Variants in LDLRAD4 observed in about 807,000 individuals in gnomAD.
LDLRAD4 encodes the protein low density lipoprotein receptor class A domain containing 4.
A neutral mutation model predicts 17.0 loss-of-function variants in LDLRAD4; 5 were observed. The ratio of observed to expected loss-of-function variants is 0.29; its 90% CI spans 0.15 to 0.62. The LOEUF (loss-of-function observed/expected upper bound fraction) is 0.62, where lower values mean the gene tolerates loss of function less well. Ranked by LOEUF, LDLRAD4 falls within the 20% of genes least tolerant of loss-of-function variation. The pLI is 0.84. For synonymous variants in LDLRAD4, 168 were observed against 171.8 expected (o/e 0.98, Z 0.17); for missense variants, 340 against 424.7 (o/e 0.80, Z 1.75).
chr18:13,298,904 CAA>C (rs1166913196), intron 1 of LDLRAD4, among the ~76,000 whole-genome samples: 1 of 152,224 alleles, frequency 6.6e-6, no homozygotes, highest in Non-Finnish European at 1.5e-5. Context: ...TGGGCTTGTC[CAA>C]AATTACTCCA....
intron 3 of LDLRAD4, among the ~76,000 whole-genome samples, chr18:13,562,577 A>T (rs2094553070): frequency 6.6e-6 from 1 of 152,222 alleles, no homozygotes; most frequent in Admixed American, 6.5e-5. Context: ...GGTCCGTCAG[A>T]GCCTCAGAAC....
chr18:13,631,077 C>T (rs961315245), intron 4 of LDLRAD4, among the ~76,000 whole-genome samples: 3 of 152,170 alleles, frequency 2.0e-5, no homozygotes, highest in Admixed American at 6.5e-5. Context: ...CACACGTGGA[C>T]GCATGGCAGC....
chr18:13,258,463 A>G (rs1371219271), intron 1 of LDLRAD4, among the ~76,000 whole-genome samples: 1 of 152,192 alleles, frequency 6.6e-6, no homozygotes, highest in Non-Finnish European at 1.5e-5. Context: ...CTCTATTTGA[A>G]TATTTTATGG....
intron 3 of LDLRAD4, among the ~76,000 whole-genome samples, chr18:13,581,206 G>A (rs1245500463): frequency 1.3e-5 from 2 of 152,226 alleles, no homozygotes; most frequent in Non-Finnish European, 2.9e-5. Context: ...GATGTGACTG[G>A]CTCAGGAGGT....
In LDLRAD4 at chr18:13,622,933, G is replaced by C. The variant is rs1396933258; in HGVS notation, c.336+1662G>C. ...TGCGCAGGCACACAGGGAGTTTTCT[G>C]TCCCCTGCCTGGGCGCTCCCCAGTC... is the stretch of plus-strand genomic sequence containing the variant. On this transcript the variant is annotated intron_variant, in intron 4 of 5. Transcript: ENST00000359446. This position sits in a 1 kb window ranked among gnomAD's most constrained non-coding sequence, Gnocchi z 5.3. Among the ~76,000 whole-genome samples the C allele has an allele frequency of 2.0e-5, 3 of 152,180 alleles. No individual in the cohort carries two copies. The highest frequency in any genetic ancestry group is 4.4e-5 in the Non-Finnish European group (3 of 68,028).
At chr18:13,473,217 C>T (rs1360862407) in intron 3 of LDLRAD4, among the ~76,000 whole-genome samples, 2 of 152,190 alleles carry the variant, frequency 1.3e-5, no homozygotes, top group Admixed American at 1.3e-4. Flanking sequence ...AAAAATGTGT[C>T]TTCTTCTTGC....
chr18:13,441,206 G>C (rs2091002066), intron 3 of LDLRAD4, among the ~76,000 whole-genome samples: 1 of 152,218 alleles, frequency 6.6e-6, no homozygotes, highest in Admixed American at 6.5e-5. Flanking sequence ...GCAGCGAACA[G>C]GGATATTTCA....
intron 3 of LDLRAD4, among the ~76,000 whole-genome samples, chr18:13,464,385 C>T (rs1409481724): frequency 6.6e-6 from 1 of 152,226 alleles, no homozygotes; most frequent in African/African-American, 2.4e-5. Flanking sequence ...AGAAATTGCT[C>T]TAATCTGATC....
At chr18:13,582,145 A>G (rs188641248) in intron 3 of LDLRAD4, among the ~76,000 whole-genome samples, 7 of 152,334 alleles carry the variant, frequency 4.6e-5, no homozygotes, top group Admixed American at 2.6e-4. Context: ...TAAAATGGGC[A>G]TAGTGATTTA....
intron 4 of LDLRAD4, among the ~76,000 whole-genome samples, chr18:13,640,190 G>C (rs1166594828): frequency 6.6e-6 from 1 of 151,652 alleles, no homozygotes; most frequent in South Asian, 2.1e-4. Flanking sequence ...CTACTCGGTA[G>C]GCTGAGGCGG....
chr18:13,297,530 C>T (rs2046340253), intron 1 of LDLRAD4, among the ~76,000 whole-genome samples: 1 of 152,230 alleles, frequency 6.6e-6, no homozygotes, highest in Non-Finnish European at 1.5e-5. Context: ...TGCAGTGGCT[C>T]ATGCCTGTAA....
chr18:13,401,506 C>T (rs141329205), intron 2 of LDLRAD4, among the ~76,000 whole-genome samples: 98 of 152,076 alleles, frequency 6.4e-4, no homozygotes, highest in Middle Eastern at 3.4e-3. Context: ...TTGGTGTGAG[C>T]GTGAGAGGAG....
At chr18:13,533,148 TGCCCCTCACAGCAACCA>T (rs1204562652) in intron 3 of LDLRAD4, among the ~76,000 whole-genome samples, 2 of 152,224 alleles carry the variant, frequency 1.3e-5, no homozygotes, top group African/African-American at 4.8e-5. Context: ...ACAAGGTCCC[TGCCCCTCACAGCAACCA>T]TCTAGTGATG....
intron 3 of LDLRAD4, among the ~76,000 whole-genome samples, chr18:13,574,575 T>A (rs1601489667): frequency 6.6e-6 from 1 of 152,332 alleles, no homozygotes; most frequent in East Asian, 1.9e-4. Flanking sequence ...CTGGCACCTC[T>A]GTCTCAGGGT....
intron 3 of LDLRAD4, among the ~76,000 whole-genome samples, chr18:13,538,656 C>T (rs952161371): frequency 6.6e-6 from 1 of 152,124 alleles, no homozygotes; most frequent in Non-Finnish European, 1.5e-5. Context: ...TCCCCATTAG[C>T]TGGGACTACA....
At chr18:13,310,078 G>A (rs1467692358) in intron 1 of LDLRAD4, among the ~76,000 whole-genome samples, 1 of 151,774 alleles carries the variant, frequency 6.6e-6, no homozygotes, top group South Asian at 2.1e-4. Context: ...GGTGTCTCAC[G>A]CCAGGAATCC....
At chr18:13,265,853 T>C (rs983144646) in intron 1 of LDLRAD4, among the ~76,000 whole-genome samples, 5 of 152,094 alleles carry the variant, frequency 3.3e-5, no homozygotes, top group Non-Finnish European at 5.9e-5. Context: ...GGGGTCTTCC[T>C]CAGCCCCCTC....
intron 3 of LDLRAD4, among the ~76,000 whole-genome samples, chr18:13,575,497 C>T (rs1375241030): frequency 1.3e-5 from 2 of 152,220 alleles, no homozygotes; most frequent in Non-Finnish European, 2.9e-5. Context: ...GGTTCCATAT[C>T]TTTGCAGCTG....
intron 3 of LDLRAD4, among the ~76,000 whole-genome samples, chr18:13,474,066 C>A (rs534282997): frequency 1.3e-5 from 2 of 152,158 alleles, no homozygotes; most frequent in Non-Finnish European, 2.9e-5. Flanking sequence ...GTGTGCAGAA[C>A]CCGCCTCGTG....
Sources: gnomAD v4.1 joint callset for allele counts (sites outside exome capture counted in the v4.1 genomes callset) on GRCh38, gnomAD v4.1.1 for gene constraint, Gnocchi (gnomAD v3.1) non-coding constraint, MANE v1.5 for transcripts, NCBI Gene and HGNC (gene_info 2026-07-23, HGNC 2026-07-21) for gene names.